Variants in TSC1 observed in about 807,000 individuals in gnomAD.
The protein encoded by TSC1 is hamartin.
In TSC1, 20 loss-of-function variants were observed where a neutral mutation model predicts 124.3. The observed-to-expected ratio is 0.16, with a 90% CI of 0.11 to 0.23. TSC1 has a LOEUF of 0.23. Among genes scored for constraint, TSC1 ranks in the 10% least tolerant of loss-of-function variants. The pLI, the probability that TSC1 is intolerant of heterozygous loss-of-function variation, is 1.00. For synonymous variants in TSC1, 493 were observed against 539.1 expected (o/e 0.91, Z 1.19); for missense variants, 1,124 against 1,448.5 (o/e 0.78, Z 3.64).
chr9:132,944,316 G>C (rs896563658), intron 1 of TSC1, among the ~76,000 whole-genome samples: 5 of 152,072 alleles, frequency 3.3e-5, no homozygotes, highest in Admixed American at 2.6e-4. Context: ...TGCTCCGTCC[G>C]GCTCGCCTCT....
chr9:132,902,535 CT>C lies in TSC1; in HGVS notation c.2391+69del. ...AACAAGTCAAGGACACCCAGGGAAA[CT>C]GACTGCCTCCCTCCCCACTGCTCTC... On this transcript the variant is annotated intron_variant, in intron 18 of 22. Coordinates refer to ENST00000298552, the MANE Select transcript of TSC1 (RefSeq NM_000368.5). The surrounding 1 kb of genome is among the most constrained non-coding windows in gnomAD (Gnocchi z 5.2). The C allele has an allele frequency of 6.3e-7, 1 of 1,586,942 alleles. No homozygotes were observed. The highest frequency in any genetic ancestry group is 2.2e-5 in the East Asian group (1 of 44,768).
rs1350545510 is a variant in TSC1, at chr9:132,897,343, C to T, written c.2816G>A (p.Gly939Glu). The T allele has an allele frequency of 6.2e-7, 1 of 1,614,042 alleles. No individual in the cohort carries two copies. Residue 939 changes from glycine (G) to glutamate (E), a missense_variant and splice_region_variant, in exon 22 of 23, where the codon GGA becomes GAA. Physicochemically the swap from Gly to Glu is moderately conservative, Grantham distance 98. Transcript: ENST00000298552. ...CCTGCTCTCTGCGGCCTGCAGCTGT[C>T]CTCTGAAAGATACAGACCAGCCAGA... is the stretch of plus-strand genomic sequence containing the variant. ...YLEDVKLQARGQLQAAESRYE... is the reference protein window; with the variant it reads ...YLEDVKLQAREQLQAAESRYE...
Position 132,904,149 on chromosome 9 carries a change from A to G in TSC1, c.2041+262T>C, listed in dbSNP as rs927615501. 2.6e-4 allele frequency among the ~76,000 whole-genome samples: 39 copies of G among 152,006 alleles called. 1 individual carries two copies. Among genetic ancestry groups the G allele is most frequent in the African/African-American group, 8.0e-4 (33 of 41,368 alleles). On this transcript the variant is annotated intron_variant, in intron 16 of 22. Transcript: ENST00000298552. ...GTGTTCTCCCCCAGGAAGATGCTTC[A>G]CTCTGGTCTTCTCCAGGGAAGCCTG...
chr9:132,940,492 C>T (rs1847677270), intron 1 of TSC1, among the ~76,000 whole-genome samples: 1 of 152,172 alleles, frequency 6.6e-6, no homozygotes, highest in African/African-American at 2.4e-5. Flanking sequence ...AAGTTAAGAA[C>T]CACTGACCTG....
In TSC1 at chr9:132,906,091, G is replaced by A. The variant is rs2131847758; in HGVS notation, c.1487C>T (p.Pro496Leu). The A allele has an allele frequency of 1.2e-6, 2 of 1,613,924 alleles. No individual in the cohort carries two copies. Among genetic ancestry groups the A allele is most frequent in the Non-Finnish European group, 1.7e-6 (2 of 1,179,968 alleles). Residue 496 changes from proline to leucine, a missense_variant, in exon 15 of 23, where the codon CCT becomes CTT. Around this residue, in one of 5 missense-constraint regions of TSC1, gnomAD observed 9 missense variants for 34.2 expected, o/e 0.26. Coordinates refer to ENST00000298552, the MANE Select transcript of TSC1 (RefSeq NM_000368.5). The surrounding 1 kb of genome is among the most constrained non-coding windows in gnomAD (Gnocchi z 4.1). ...LSEITTAEAE[P>L]VVPRGGFDSP... ...GTCAAAGCCTCCTCGAGGAACCACA[G>A]GCTCTGCCTCTGCTGTGGTGATCTC...
rs575841690 is a variant in TSC1 at position 132,936,946 on chromosome 9, G to T, written c.-143-1851C>A. Among the ~76,000 whole-genome samples, 3 of 152,290 alleles carry T rather than the reference G, an allele frequency of 2.0e-5. No individual in the cohort carries two copies. The South Asian group carries it at 6.2e-4, about 32-fold the overall frequency. On this transcript the variant is annotated intron_variant, in intron 1 of 22. Transcript: ENST00000298552. ...GAGGAACTCTCTAACAATTAAAATC[G>T]CTTGTTCCAGATGACAGAGTAATTA...
chr9:132,923,681 C>A lies in TSC1; in HGVS notation c.364-189G>T, dbSNP rs940453949. On this transcript the variant is annotated intron_variant, in intron 5 of 22. Coordinates refer to ENST00000298552, the MANE Select transcript of TSC1 (RefSeq NM_000368.5). The surrounding 1 kb of genome is among the most constrained non-coding windows in gnomAD (Gnocchi z 4.2). ...CAAACAGACTCAACAGAACACTGAG[C>A]CCCAACTCTACTGTAATGAGTCAGT... is the stretch of plus-strand genomic sequence containing the variant. 12 of 768,682 alleles carry A rather than the reference C, an allele frequency of 1.6e-5. No individual in the cohort carries two copies. The highest frequency in any genetic ancestry group is 1.2e-4 in the African/African-American group (7 of 57,874). The allele number at this position is 768,682 out of a possible 1,614,324, so 47.6% of individuals were successfully genotyped here.
In TSC1 at chr9:132,895,686, A is replaced by T. The variant is rs949560483; in HGVS notation, c.*549T>A. 6 of 241,502 alleles carry T rather than the reference A, an allele frequency of 2.5e-5. No homozygotes were observed. The highest frequency in any genetic ancestry group is 1.3e-4 in the African/African-American group (6 of 45,406). The allele number at this position is 241,502 out of a possible 1,614,324, so 15.0% of individuals were successfully genotyped here. A position where few individuals can be genotyped will look rare whatever the true frequency, so the allele number is the denominator to read the frequency against. ...GTTGTTCTTCTAGACCTGCTGCTTT[A>T]GATGCTGAACTTCAGAATCAAAAAA... On this transcript the variant is annotated 3_prime_UTR_variant, in exon 23 of 23. Transcript: ENST00000298552.
chr9:132,943,453 A>G (rs1009754896), intron 1 of TSC1: 1 of 152,206 alleles, frequency 6.6e-6, no homozygotes, highest in Non-Finnish European at 1.5e-5. Context: ...TAAATGATAA[A>G]TTTTAATCAC....
chr9:132,916,624 G>C (rs189384963), intron 8 of TSC1, among the ~76,000 whole-genome samples: 140 of 152,218 alleles, frequency 9.2e-4, no homozygotes, highest in African/African-American at 3.2e-3. Context: ...AGTTTTAATT[G>C]TTCTGTTTCT....
At position 132,893,067 on chromosome 9, in the gene TSC1, G is replaced by T. The variant is rs1229266266; in HGVS notation, c.*3168C>A. Reference sequence around the variant, plus strand: ...CGTAACAGTTCACCTTCTCAGAACAGTTTGGACTGTTTCCCCAACCATGTC... The same window carrying T: ...CGTAACAGTTCACCTTCTCAGAACATTTTGGACTGTTTCCCCAACCATGTC... On this transcript the variant is annotated 3_prime_UTR_variant, in exon 23 of 23. Coordinates refer to ENST00000298552, the MANE Select transcript of TSC1 (RefSeq NM_000368.5). 4.3e-6 allele frequency: 1 copy of T among 233,192 alleles called. No homozygotes were observed. Among genetic ancestry groups the T allele is most frequent in the Non-Finnish European group, 8.5e-6 (1 of 118,074 alleles). 14.4% of individuals were successfully genotyped at this position (233,192 alleles called of 1,614,324 possible).
rs565234395 is a variant in TSC1, at chr9:132,900,700, C to T, written c.2625+15G>A. The T allele has an allele frequency of 1.7e-5, 27 of 1,613,806 alleles. No homozygotes were observed. Among genetic ancestry groups the T allele is most frequent in the East Asian group, 1.1e-4 (5 of 44,876 alleles). On this transcript the variant is annotated intron_variant, in intron 20 of 22. Transcript: ENST00000298552. ...GCTTTCCCCACTAAGGTCTGGCTCC[C>T]GAGCCCTGGCATACCTTTGTGGTAT...
Position 132,906,714 on chromosome 9 carries a change from A to C in TSC1, c.1438+17T>G. The C allele has an allele frequency of 6.2e-7, 1 of 1,600,532 alleles. No homozygotes were observed. On this transcript the variant is annotated intron_variant, in intron 14 of 22. Transcript: ENST00000298552. This position sits in a 1 kb window ranked among gnomAD's most constrained non-coding sequence, Gnocchi z 4.1. ...GGGTCAGGTTTTATCAACTCATAGC[A>C]ATCCCACATACATTACCTTCTTCTT... is the stretch of plus-strand genomic sequence containing the variant.
rs367958281 is a variant in TSC1 at position 132,921,468 on chromosome 9, G to A, written c.664-32C>T. 1.2e-6 allele frequency: 2 copies of A among 1,609,822 alleles called. No homozygotes were observed. Among genetic ancestry groups the A allele is most frequent in the East Asian group, 4.5e-5 (2 of 44,828 alleles). ...GAGTTGGGTTGACAAATTATAAAGGGCTGAATGTTTGTGGAACATCCAAAT... is the reference window on the plus strand; with the variant it reads ...GAGTTGGGTTGACAAATTATAAAGGACTGAATGTTTGTGGAACATCCAAAT... On this transcript the variant is annotated intron_variant, in intron 7 of 22. Coordinates refer to ENST00000298552, the MANE Select transcript of TSC1 (RefSeq NM_000368.5). The surrounding 1 kb of genome is among the most constrained non-coding windows in gnomAD (Gnocchi z 4.3).
rs1845517812 is a variant in TSC1 at position 132,903,936 on chromosome 9, T to C, written c.2042-119A>G. The C allele has an allele frequency of 2.4e-6, 3 of 1,226,264 alleles. No homozygotes were observed. The Admixed American group carries it at 5.8e-5, about 24-fold the overall frequency. The allele number at this position is 1,226,264 out of a possible 1,614,324, so 76.0% of individuals were successfully genotyped here. On this transcript the variant is annotated intron_variant, in intron 16 of 22. Transcript: ENST00000298552. This position sits in a 1 kb window ranked among gnomAD's most constrained non-coding sequence, Gnocchi z 5.9. ...ATTCTTTAAAAACAAATCACCACTCTCTTTGCAAATGACCACTTGACTCCC... is the reference window on the plus strand; with the variant it reads ...ATTCTTTAAAAACAAATCACCACTCCCTTTGCAAATGACCACTTGACTCCC...
At chr9:132,925,316 G>A (rs548487679) in intron 5 of TSC1, among the ~76,000 whole-genome samples, 43 of 152,252 alleles carry the variant, frequency 2.8e-4, no homozygotes, top group African/African-American at 1.0e-3. Flanking sequence ...AAACGATGAC[G>A]AAATCAAGAG....
rs142429000 is a variant in TSC1, at chr9:132,924,542, A to C, written c.363+1045T>G. Among the ~76,000 whole-genome samples the C allele has an allele frequency of 6.3e-3, 953 of 152,310 alleles. 3 individuals carry two copies. The highest frequency in any genetic ancestry group is 0.018 in the African/African-American group (764 of 41,566). On this transcript the variant is annotated intron_variant, in intron 5 of 22. Coordinates refer to ENST00000298552, the MANE Select transcript of TSC1 (RefSeq NM_000368.5). ...TGATTAACAAAACGTACTCTTTTGGAAAAGATAAGTGTTTTGCAATCTGAA... is the reference window on the plus strand; with the variant it reads ...TGATTAACAAAACGTACTCTTTTGGCAAAGATAAGTGTTTTGCAATCTGAA...
chr9:132,940,698 T>C, intron 1 of TSC1: 1 of 152,220 alleles, frequency 6.6e-6, no homozygotes, highest in East Asian at 1.9e-4. Flanking sequence ...TAATGGGGTA[T>C]CAGACATGTA....
intron 2 of TSC1, among the ~76,000 whole-genome samples, chr9:132,931,618 C>A (rs1227606091): frequency 1.3e-5 from 2 of 152,124 alleles, no homozygotes; most frequent in African/African-American, 4.8e-5. Context: ...ATAAGTGGCT[C>A]AAGTTCAAGC....
Sources: allele counts gnomAD v4.1 joint callset (sites outside exome capture counted in the v4.1 genomes callset), GRCh38; gene constraint gnomAD v4.1.1; regional missense constraint gnomAD v4.1.1; non-coding constraint Gnocchi (gnomAD v3.1); transcripts MANE v1.5; gene names NCBI Gene and HGNC (gene_info 2026-07-23, HGNC 2026-07-21).